Variants in ITGB1BP1 observed in about 807,000 individuals in gnomAD.
The protein encoded by ITGB1BP1 is integrin subunit beta 1 binding protein 1, also known as integrin beta-1-binding protein 1.
Under a neutral mutation model 28.0 loss-of-function variants are expected in ITGB1BP1, and 20 were observed. The observed-to-expected ratio is 0.71, with a 90% CI of 0.50 to 1.04. The LOEUF (loss-of-function observed/expected upper bound fraction) is 1.04, where lower values mean the gene tolerates loss of function less well. Among genes scored for constraint, ITGB1BP1 ranks in the 50% least tolerant of loss-of-function variants. ITGB1BP1 has a pLI of 0.00. For synonymous variants in ITGB1BP1, 103 were observed against 89.5 expected (o/e 1.15, Z -0.85); for missense variants, 228 against 242.5 (o/e 0.94, Z 0.40).
chr2:9,408,415 T>C, intron 4 of ITGB1BP1: 1 of 496,122 alleles, frequency 2.0e-6, no homozygotes, highest in Non-Finnish European at 3.6e-6. Flanking sequence ...TGAGACAGAG[T>C]CTCACTCTGT....
At chr2:9,407,952 A>C in intron 5 of ITGB1BP1, 161 bp downstream of exon 5, 1 of 599,114 alleles carries the variant, frequency 1.7e-6, no homozygotes, top group Non-Finnish European at 3.0e-6. Flanking sequence ...GGAAGCCCCT[A>C]TTCACCTTAA....
chr2:9,414,151 A>T (rs12474647), intron 3 of ITGB1BP1, 27 bp downstream of exon 3: 551,477 of 1,581,434 alleles, frequency 0.35, 103,185 homozygotes, highest in Non-Finnish European at 0.38. Flanking sequence ...AAGCGCAGAC[A>T]ATCAATGATC....
chr2:9,406,860 A>T lies in ITGB1BP1; in HGVS notation c.577T>A (p.Ser193Thr), dbSNP rs745444353. 2.5e-6 allele frequency: 4 copies of T among 1,613,176 alleles called. No homozygotes were observed. The highest frequency in any genetic ancestry group is 3.4e-6 in the Non-Finnish European group (4 of 1,179,222). The change falls in exon 7 of 7, where the codon TCT becomes ACT. Residue 193 changes from serine to threonine, a missense_variant. Physicochemically the swap from Ser to Thr is moderately conservative, Grantham distance 58. Coordinates refer to ENST00000355346, the MANE Select transcript of ITGB1BP1 (RefSeq NM_004763.5). ...CAGGGTTTCTCAGATGTTAATACAG[A>T]GTCAAAAGCGGTGGATAAAACCTTG... ...ICKVLSTAFD[S>T]VLTSEKP is the part of the protein sequence containing the mutation.
At chr2:9,409,921 T>C (rs187518708) in intron 4 of ITGB1BP1, among the ~76,000 whole-genome samples, 1 of 148,938 alleles carries the variant, frequency 6.7e-6, no homozygotes, top group East Asian at 2.0e-4. Context: ...CTCGGCTCAC[T>C]GCAACCTCCA....
In ITGB1BP1 at chr2:9,404,114, CCTT is replaced by C. The variant is rs1222560245; in HGVS notation, c.*2717_*2719del. On this transcript the variant is annotated 3_prime_UTR_variant, in exon 7 of 7. Transcript: ENST00000355346. Reference sequence around the variant, plus strand: ...TATGCTTTAGGTGTTTTGGAATTTGCCTTCTTGAACTTCCTGAGTCACACAGAA... The same window carrying C: ...TATGCTTTAGGTGTTTTGGAATTTGCCTTGAACTTCCTGAGTCACACAGAA... 1 of 152,156 alleles carries C rather than the reference CCTT, an allele frequency of 6.6e-6. No individual in the cohort carries two copies. The highest frequency in any genetic ancestry group is 1.9e-4 in the East Asian group (1 of 5,202). The allele number at this position is 152,156 out of a possible 1,614,324, so 9.4% of individuals were successfully genotyped here.
intron 4 of ITGB1BP1, 186 bp from the exon 5 acceptor site, chr2:9,408,391 GTTA>G (rs1332472571): frequency 1.8e-6 from 1 of 561,882 alleles, no homozygotes; most frequent in Non-Finnish European, 3.2e-6. Context: ...TTACAAAAAG[GTTA>G]TTTTTATTTT....
rs796196221 is a variant in ITGB1BP1, at chr2:9,422,634, G to C, written c.-36+739C>G. ...TGCACGCTGGTCAAAGGCGGAGCTCGGTGACTCCTCTGCATTGCCAGGGCG... is the reference window on the plus strand; with the variant it reads ...TGCACGCTGGTCAAAGGCGGAGCTCCGTGACTCCTCTGCATTGCCAGGGCG... On this transcript the variant is annotated intron_variant, in intron 1 of 6. Transcript: ENST00000355346. 7.1e-6 allele frequency: 7 copies of C among 985,604 alleles called. No homozygotes were observed. In the African/African-American group the frequency reaches 1.2e-4, roughly 17 times the overall value. 61.1% of individuals were successfully genotyped at this position (985,604 alleles called of 1,614,324 possible).
chr2:9,414,380 T>C, intron 2 of ITGB1BP1, 124 bp from the exon 3 acceptor site: 3 of 660,596 alleles, frequency 4.5e-6, no homozygotes, highest in Non-Finnish European at 7.9e-6. Context: ...TGTCAATTAT[T>C]CAGGCATATC....
Position 9,418,687 on chromosome 2 carries a change from T to G in ITGB1BP1, c.11A>C (p.Lys4Thr). Reference protein sequence around the residue: MFRKGKKRHSSSSS... With the variant: MFRTGKKRHSSSSS... ...GCTACTACTGTGTCGTTTTTTGCCC[T>G]TGCGAAACATTTTTCACCACCATTG... Residue 4 changes from lysine (K) to threonine (T), a missense_variant, in exon 2 of 7, where the codon AAG becomes ACG. Physicochemically the swap from Lys to Thr is moderately conservative, Grantham distance 78 (BLOSUM62 -1). Transcript: ENST00000355346. 1 of 1,614,088 alleles carries G rather than the reference T, an allele frequency of 6.2e-7. No individual in the cohort carries two copies. The highest frequency in any genetic ancestry group is 8.5e-7 in the Non-Finnish European group (1 of 1,179,934).
rs1677166071 is a variant in ITGB1BP1, at chr2:9,405,637, C to A, written c.*1197G>T. ...TTAATAAGTTTACTCTTCTTGTTAA[C>A]TAGTCATTTGACTGGAAAAAAATAA... On this transcript the variant is annotated 3_prime_UTR_variant, in exon 7 of 7. Transcript: ENST00000355346. 6.6e-6 allele frequency: 1 copy of A among 152,562 alleles called. No homozygotes were observed. Among genetic ancestry groups the A allele is most frequent in the South Asian group, 2.1e-4 (1 of 4,828 alleles). The allele number at this position is 152,562 out of a possible 1,614,324, so 9.5% of individuals were successfully genotyped here.
At position 9,405,110 on chromosome 2, in the gene ITGB1BP1, TC is replaced by T. The variant is rs1480339072; in HGVS notation, c.*1723del. 6.6e-6 allele frequency: 1 copy of T among 152,410 alleles called. No individual in the cohort carries two copies. The allele number at this position is 152,410 out of a possible 1,614,324, so 9.4% of individuals were successfully genotyped here. ...ATTCATATCAACATTAGAACTCCAGTCCCAAACTAATCTGTCAGGTTCACTG... is the reference window on the plus strand; with the variant it reads ...ATTCATATCAACATTAGAACTCCAGTCCAAACTAATCTGTCAGGTTCACTG... On this transcript the variant is annotated 3_prime_UTR_variant, in exon 7 of 7. Coordinates refer to ENST00000355346, the MANE Select transcript of ITGB1BP1 (RefSeq NM_004763.5).
chr2:9,412,147 T>G lies in ITGB1BP1; in HGVS notation c.288+122A>C, dbSNP rs537609899. ...ACATGTGCGGTGGTGATGCGGGGACTTCAGTCGAGAGCAAGCGGAGCGGCA... is the reference window on the plus strand; with the variant it reads ...ACATGTGCGGTGGTGATGCGGGGACGTCAGTCGAGAGCAAGCGGAGCGGCA... On this transcript the variant is annotated intron_variant, in intron 4 of 6. Coordinates refer to ENST00000355346, the MANE Select transcript of ITGB1BP1 (RefSeq NM_004763.5). 6.4e-6 allele frequency: 5 copies of G among 786,978 alleles called. No individual in the cohort carries two copies. The African/African-American group carries it at 8.7e-5, about 14-fold the overall frequency. The allele number at this position is 786,978 out of a possible 1,614,324, so 48.7% of individuals were successfully genotyped here. A position where few individuals can be genotyped will look rare whatever the true frequency, so the allele number is the denominator to read the frequency against.
intron 1 of ITGB1BP1, among the ~76,000 whole-genome samples, chr2:9,421,470 G>C (rs975646871): frequency 2.0e-5 from 3 of 152,092 alleles, no homozygotes; most frequent in African/African-American, 7.2e-5. Flanking sequence ...GGCGGATCAC[G>C]AGGTCAGGAG....
At chr2:9,418,945 G>C (rs1679478746) in intron 1 of ITGB1BP1, among the ~76,000 whole-genome samples, 1 of 152,080 alleles carries the variant, frequency 6.6e-6, no homozygotes, top group South Asian at 2.1e-4. Flanking sequence ...GTAGAGACAG[G>C]ATCTTGCCAT....
rs11676717 is a variant in ITGB1BP1 at position 9,406,172 on chromosome 2, A to G, written c.*662T>C. 17 of 1,750 alleles carry G rather than the reference A, an allele frequency of 9.7e-3. No individual in the cohort carries two copies. Among genetic ancestry groups the G allele is most frequent in the Non-Finnish European group, 0.016 (14 of 850 alleles). The allele number at this position is 1,750 out of a possible 1,614,324, so 0.1% of individuals were successfully genotyped here. On this transcript the variant is annotated 3_prime_UTR_variant, in exon 7 of 7. Transcript: ENST00000355346. ...CACTGAGTGGACCTCTGTGACATCTAGTCTTCCTCAGGCCTTCAGTGTGTG... is the reference window on the plus strand; with the variant it reads ...CACTGAGTGGACCTCTGTGACATCTGGTCTTCCTCAGGCCTTCAGTGTGTG...
Position 9,414,391 on chromosome 2 carries a change from G to A in ITGB1BP1, c.73-135C>T, listed in dbSNP as rs79880614. On this transcript the variant is annotated intron_variant, in intron 2 of 6. Transcript: ENST00000355346. Reference sequence around the variant, plus strand: ...ACCATGTCAATTATTCAGGCATATCGACTGTGCAGATTTTTCTTAAGACAA... The same window carrying A: ...ACCATGTCAATTATTCAGGCATATCAACTGTGCAGATTTTTCTTAAGACAA... The A allele has an allele frequency of 6.1e-3, 3,635 of 600,622 alleles. 88 individuals carry two copies. Among genetic ancestry groups the A allele is most frequent in the African/African-American group, 0.059 (3,200 of 53,854 alleles). The allele number at this position is 600,622 out of a possible 1,614,324, so 37.2% of individuals were successfully genotyped here.
intron 6 of ITGB1BP1, 74 bp from the exon 7 acceptor site, chr2:9,406,979 C>G: frequency 9.0e-7 from 1 of 1,110,204 alleles, no homozygotes; most frequent in Admixed American, 1.7e-5. Flanking sequence ...CTAGCAGAGG[C>G]ACACACCTGA....
chr2:9,407,981 G>C, intron 5 of ITGB1BP1, 132 bp downstream of exon 5: 1 of 639,232 alleles, frequency 1.6e-6, no homozygotes, highest in Non-Finnish European at 2.8e-6. Flanking sequence ...TCACGTTTAA[G>C]ACCAACTGCC....
chr2:9,422,771 A>C, intron 1 of ITGB1BP1: 1 of 985,798 alleles, frequency 1.0e-6, no homozygotes. Context: ...TGCTAGGTGC[A>C]CAGATCCCTC....
Sources: gnomAD v4.1 joint callset for allele counts (sites outside exome capture counted in the v4.1 genomes callset) on GRCh38, gnomAD v4.1.1 for gene constraint, MANE v1.5 for transcripts, NCBI Gene and HGNC (gene_info 2026-07-23, HGNC 2026-07-21) for gene names.